Variants in AKAP6 observed in about 807,000 individuals in gnomAD.
AKAP6 encodes the protein A-kinase anchor protein 6.
A neutral mutation model predicts 188.5 loss-of-function variants in AKAP6; 58 were observed. The ratio of observed to expected loss-of-function variants is 0.31; its 90% CI spans 0.25 to 0.38. AKAP6 has a LOEUF of 0.38. Ranked by LOEUF, AKAP6 falls within the 10% of genes least tolerant of loss-of-function variation. AKAP6 has a pLI of 1.00. For synonymous variants in AKAP6, 989 were observed against 998.6 expected (o/e 0.99, Z 0.18); for missense variants, 2,710 against 2,740.0 (o/e 0.99, Z 0.24).
intron 12 of AKAP6, among the ~76,000 whole-genome samples, chr14:32,788,443 A>T (rs1230631479): frequency 6.6e-6 from 1 of 152,226 alleles, no homozygotes; most frequent in Non-Finnish European, 1.5e-5. Flanking sequence ...GGAATTCAGC[A>T]CCTTCAACTT....
In AKAP6 at chr14:32,331,578, C is replaced by T. The variant is rs1034418004; in HGVS notation, c.-35+2170C>T. Among the ~76,000 whole-genome samples the T allele has an allele frequency of 2.6e-5, 4 of 152,064 alleles. No individual in the cohort carries two copies. In the East Asian group the frequency reaches 5.8e-4, roughly 22 times the overall value. On this transcript the variant is annotated intron_variant, in intron 1 of 13. Coordinates refer to ENST00000280979, the MANE Select transcript of AKAP6 (RefSeq NM_004274.5). ...CTATCATCCTAATGTTTTGTTTCTT[C>T]GTTTCTTTGTAGAGGGCCACAGCCT...
At chr14:32,726,545 A>G (rs897687039) in intron 9 of AKAP6, among the ~76,000 whole-genome samples, 8 of 152,256 alleles carry the variant, frequency 5.3e-5, no homozygotes, top group African/African-American at 1.7e-4. Context: ...TCAACAGGCA[A>G]ACATCTTGAA....
chr14:32,518,985 A>C (rs892563308), intron 2 of AKAP6, among the ~76,000 whole-genome samples: 4 of 152,262 alleles, frequency 2.6e-5, no homozygotes, highest in African/African-American at 9.6e-5. Flanking sequence ...CATCAGACTA[A>C]CAGCAGATCT....
chr14:32,581,561 G>C (rs1220056558), intron 5 of AKAP6, among the ~76,000 whole-genome samples: 2 of 152,084 alleles, frequency 1.3e-5, no homozygotes, highest in African/African-American at 4.8e-5. Context: ...TTAACTTTCT[G>C]TCTCGTTGAT....
intron 7 of AKAP6, among the ~76,000 whole-genome samples, chr14:32,649,684 G>A (rs1039857243): frequency 8.5e-5 from 13 of 152,116 alleles, no homozygotes; most frequent in African/African-American, 2.7e-4. Flanking sequence ...AATTTAGGAT[G>A]CAAACATGGA....
At chr14:32,482,632 A>G (rs1022064607) in intron 2 of AKAP6, among the ~76,000 whole-genome samples, 1 of 152,230 alleles carries the variant, frequency 6.6e-6, no homozygotes, top group Non-Finnish European at 1.5e-5. Flanking sequence ...AAGGGCCTGG[A>G]AAAGTGCTTG....
chr14:32,778,269 G>A (rs552859185), intron 12 of AKAP6, among the ~76,000 whole-genome samples: 1 of 152,226 alleles, frequency 6.6e-6, no homozygotes, highest in Admixed American at 6.5e-5. Flanking sequence ...ACTGAAAATA[G>A]TAACTATGTG....
At chr14:32,738,555 G>A (rs1371521860) in intron 11 of AKAP6, among the ~76,000 whole-genome samples, 2 of 152,132 alleles carry the variant, frequency 1.3e-5, no homozygotes, top group Non-Finnish European at 2.9e-5. Context: ...CACTAATTAT[G>A]TAAGTCAGAA....
chr14:32,819,891 T>A (rs2034476183), intron 12 of AKAP6, among the ~76,000 whole-genome samples: 2 of 152,174 alleles, frequency 1.3e-5, no homozygotes, highest in African/African-American at 4.8e-5. Flanking sequence ...GAGACTGCAG[T>A]GAGCTGTGAT....
rs2034845177 is a variant in AKAP6, at chr14:32,833,786, T to C, written c.*3981T>C. The C allele has an allele frequency of 1.3e-5, 2 of 152,220 alleles. No homozygotes were observed. Among genetic ancestry groups the C allele is most frequent in the Non-Finnish European group, 2.9e-5 (2 of 68,018 alleles). The allele number at this position is 152,220 out of a possible 1,614,324, so 9.4% of individuals were successfully genotyped here. On this transcript the variant is annotated 3_prime_UTR_variant, in exon 14 of 14. Coordinates refer to ENST00000280979, the MANE Select transcript of AKAP6 (RefSeq NM_004274.5). The stretch of plus-strand genomic sequence containing the variant: ...ATAATTCTTATATTTTAAATATAAA[T>C]CGAACCAACTAAATTTACCGCTATA...
chr14:32,709,122 G>A (rs537153179), intron 9 of AKAP6, among the ~76,000 whole-genome samples: 33 of 152,068 alleles, frequency 2.2e-4, no homozygotes, highest in Non-Finnish European at 4.1e-4. Flanking sequence ...GGCTCCATCC[G>A]TCCAAGTTTG....
At chr14:32,827,554 C>T (rs918975112) in intron 13 of AKAP6, among the ~76,000 whole-genome samples, 1 of 152,146 alleles carries the variant, frequency 6.6e-6, no homozygotes, top group South Asian at 2.1e-4. Context: ...TAACAGTATG[C>T]ATTTGCACTG....
intron 12 of AKAP6, among the ~76,000 whole-genome samples, chr14:32,796,773 T>C (rs1180261851): frequency 6.6e-6 from 1 of 152,150 alleles, no homozygotes; most frequent in Admixed American, 6.6e-5. Flanking sequence ...TGAAAGCAAT[T>C]GCAACTAAAG....
chr14:32,686,944 A>G (rs1468262630), intron 8 of AKAP6, among the ~76,000 whole-genome samples: 1 of 152,154 alleles, frequency 6.6e-6, no homozygotes, highest in Non-Finnish European at 1.5e-5. Flanking sequence ...TGTATCTGAG[A>G]ACACAGGAAT....
intron 4 of AKAP6, among the ~76,000 whole-genome samples, chr14:32,564,900 A>G (rs767837161): frequency 3.3e-5 from 5 of 152,148 alleles, no homozygotes; most frequent in East Asian, 1.9e-4. Context: ...TTATCTTTCT[A>G]TCCTTGAGAG....
At chr14:32,760,153 T>C (rs995907259) in intron 11 of AKAP6, among the ~76,000 whole-genome samples, 7 of 152,192 alleles carry the variant, frequency 4.6e-5, no homozygotes, top group Non-Finnish European at 8.8e-5. Context: ...AACAACACAC[T>C]TATCCAGTTA....
intron 4 of AKAP6, among the ~76,000 whole-genome samples, chr14:32,554,854 A>G (rs1883624909): frequency 6.6e-6 from 1 of 152,166 alleles, no homozygotes; most frequent in Non-Finnish European, 1.5e-5. Context: ...TCCGCCTCTC[A>G]CATTTTGGGC....
chr14:32,596,267 G>A (rs1341327189), intron 5 of AKAP6, among the ~76,000 whole-genome samples: 1 of 152,074 alleles, frequency 6.6e-6, no homozygotes, highest in Non-Finnish European at 1.5e-5. Context: ...CTATCCAACT[G>A]GGCTATTCAG....
At chr14:32,600,528 A>G in intron 6 of AKAP6, 101 bp from the exon 7 acceptor site, 1 of 1,266,534 alleles carries the variant, frequency 7.9e-7, no homozygotes, top group Non-Finnish European at 1.1e-6. Context: ...ATTTAAAAAT[A>G]TTTATATTGT....
Sources: gnomAD v4.1 joint callset for allele counts (sites outside exome capture counted in the v4.1 genomes callset) on GRCh38, gnomAD v4.1.1 for gene constraint, MANE v1.5 for transcripts, NCBI Gene and HGNC (gene_info 2026-07-23, HGNC 2026-07-21) for gene names.